The following AKAP13 variants were observed in gnomAD, a reference collection of about 807,000 sequenced individuals.
The protein encoded by AKAP13 is A-kinase anchor protein 13.
In AKAP13, 80 loss-of-function variants were observed where a neutral mutation model predicts 264.5. That is an observed-to-expected ratio of 0.30 (90% CI 0.25 to 0.36). AKAP13 has a LOEUF of 0.36. AKAP13 is among the 10% of genes least tolerant of loss of function. The pLI, the probability that AKAP13 is intolerant of heterozygous loss-of-function variation, is 1.00. For synonymous variants in AKAP13, 1,380 were observed against 1,250.2 expected, an observed-to-expected ratio of 1.10 and a Z score of -2.19; for missense variants, 3,712 against 3,435.2, an observed-to-expected ratio of 1.08 and a Z score of -2.01.
intron 1 of AKAP13, among the ~76,000 whole-genome samples, chr15:85,466,927 G>C (rs142580773): frequency 6.6e-6 from 1 of 151,336 alleles, no homozygotes; most frequent in African/African-American, 2.4e-5. Context: ...CCTTCACTTT[G>C]TTCCCAACCT....
intron 10 of AKAP13, among the ~76,000 whole-genome samples, chr15:85,652,660 CAG>C (rs2082909073): frequency 6.6e-6 from 1 of 152,166 alleles, no homozygotes; most frequent in Admixed American, 6.5e-5. Flanking sequence ...TACTTGGTCC[CAG>C]TTCTGGAGGC....
At chr15:85,721,391 A>G (rs1424336343) in intron 23 of AKAP13, among the ~76,000 whole-genome samples, 1 of 152,232 alleles carries the variant, frequency 6.6e-6, no homozygotes, top group Non-Finnish European at 1.5e-5. Flanking sequence ...TAGTACATGG[A>G]AATCAATAAT....
At chr15:85,721,583 T>C (rs2087286734) in intron 23 of AKAP13, among the ~76,000 whole-genome samples, 1 of 152,226 alleles carries the variant, frequency 6.6e-6, no homozygotes, top group Non-Finnish European at 1.5e-5. Context: ...TGGCTGTTTG[T>C]CATGTCTGTC....
intron 5 of AKAP13, among the ~76,000 whole-genome samples, chr15:85,569,880 A>G (rs2078749112): frequency 6.6e-6 from 1 of 151,580 alleles, no homozygotes; most frequent in Non-Finnish European, 1.5e-5. Flanking sequence ...GATCAAGACC[A>G]TCCTGGCTAA....
intron 2 of AKAP13, among the ~76,000 whole-genome samples, chr15:85,500,023 T>C (rs933549245): frequency 6.6e-6 from 1 of 152,346 alleles, no homozygotes; most frequent in East Asian, 1.9e-4. Flanking sequence ...GGGTGTTGCC[T>C]CATACATGGA....
chr15:85,690,079 G>A (rs990872666), intron 16 of AKAP13: 8 of 152,270 alleles, frequency 5.3e-5, no homozygotes, highest in Non-Finnish European at 1.2e-4. Flanking sequence ...ATAACAGTGA[G>A]ATTCATAGGA....
At chr15:85,688,778 A>G (rs190516167) in intron 16 of AKAP13, among the ~76,000 whole-genome samples, 24 of 152,336 alleles carry the variant, frequency 1.6e-4, no homozygotes, top group Admixed American at 4.6e-4. Context: ...ACCGACTGGC[A>G]TAAGTGATTA....
Position 85,574,655 on chromosome 15 carries a change from C to T in AKAP13, c.663-476C>T, listed in dbSNP as rs114051570. Among the ~76,000 whole-genome samples, 172 of 152,268 alleles carry T rather than the reference C, an allele frequency of 1.1e-3. 1 individual carries two copies. The highest frequency in any genetic ancestry group is 4.1e-3 in the African/African-American group (169 of 41,542). On this transcript the variant is annotated intron_variant, in intron 5 of 36. Transcript: ENST00000394518. ...TCAATAATCTTGAGGGTGTTTTCTG[C>T]ACCTATTGTTAGAAAAGTTGGAGTG...
intron 3 of AKAP13, among the ~76,000 whole-genome samples, chr15:85,528,673 A>G (rs185925757): frequency 1.2e-3 from 177 of 152,296 alleles, no homozygotes; most frequent in Non-Finnish European, 2.1e-3. Context: ...GCTAATTGCC[A>G]GCATACTTGA....
At chr15:85,520,342 A>G (rs2151151002) in intron 2 of AKAP13, among the ~76,000 whole-genome samples, 1 of 152,030 alleles carries the variant, frequency 6.6e-6, no homozygotes, top group South Asian at 2.1e-4. Flanking sequence ...TAAAAATACA[A>G]AAAAATTTAG....
intron 11 of AKAP13, among the ~76,000 whole-genome samples, chr15:85,657,897 TG>T (rs2083174713): frequency 6.6e-6 from 1 of 152,142 alleles, no homozygotes; most frequent in African/African-American, 2.4e-5. Context: ...TAATCCACTA[TG>T]GGTTCCTTTG....
intron 1 of AKAP13, among the ~76,000 whole-genome samples, chr15:85,400,840 A>G (rs1409272010): frequency 6.8e-6 from 1 of 146,554 alleles, no homozygotes; most frequent in East Asian, 1.9e-4. Flanking sequence ...ATAATTTAGT[A>G]GCCATATATA....
intron 8 of AKAP13, among the ~76,000 whole-genome samples, chr15:85,627,384 G>T (rs2081462981): frequency 1.3e-5 from 2 of 151,970 alleles, no homozygotes. Flanking sequence ...GCTCTCTGAT[G>T]TATACCTTTT....
chr15:85,639,500 A>G (rs774406313), intron 9 of AKAP13, 51 bp downstream of exon 9: 12 of 1,351,964 alleles, frequency 8.9e-6, no homozygotes, highest in African/African-American at 5.7e-5. Context: ...CCACTCTGGC[A>G]GATCGTTTTA....
At chr15:85,656,378 T>TA (rs1314465456) in intron 11 of AKAP13, among the ~76,000 whole-genome samples, 1 of 152,226 alleles carries the variant, frequency 6.6e-6, no homozygotes, top group East Asian at 1.9e-4. Flanking sequence ...TGTGGGAACT[T>TA]GTATTAAGTG....
chr15:85,415,732 A>G (rs1469904800), intron 1 of AKAP13: 1 of 627,180 alleles, frequency 1.6e-6, no homozygotes, highest in Non-Finnish European at 2.7e-6. Flanking sequence ...TTTTTTTTTC[A>G]TTACTGTGTT....
At chr15:85,717,098 A>G (rs774850115) in intron 20 of AKAP13, 192 bp from the exon 21 acceptor site, 65 of 514,450 alleles carry the variant, frequency 1.3e-4, no homozygotes, top group Non-Finnish European at 1.3e-4. Context: ...GTCTCCAGTG[A>G]TACTAAATGC....
chr15:85,521,691 A>G (rs965424511), intron 3 of AKAP13, 116 bp downstream of exon 3: 6 of 1,176,874 alleles, frequency 5.1e-6, no homozygotes, highest in Non-Finnish European at 6.8e-6. Flanking sequence ...AAAAAAATTT[A>G]TTAGTTTATA....
rs768717162 is a variant in AKAP13, at chr15:85,579,738, A to G, written c.1670A>G (p.Asn557Ser). 1.9e-6 allele frequency: 3 copies of G among 1,614,208 alleles called. No individual in the cohort carries two copies. The highest frequency in any genetic ancestry group is 2.2e-5 in the South Asian group (2 of 91,086). ...KPAESSLAFS[N>S]EETSTEKTAE... ...GCTGAGTCTTCACTTGCATTTAGTA[A>G]TGAAGAAACCTCCACTGAAAAAACA... is the stretch of plus-strand genomic sequence containing the variant. Residue 557 changes from asparagine (N) to serine (S), a missense_variant, in exon 7 of 37, where the codon AAT (asparagine) becomes AGT (serine). Transcript: ENST00000394518.
Sources: gnomAD v4.1 joint callset for allele counts (sites outside exome capture counted in the v4.1 genomes callset) on GRCh38, gnomAD v4.1.1 for gene constraint, MANE v1.5 for transcripts, NCBI Gene and HGNC (gene_info 2026-07-23, HGNC 2026-07-21) for gene names.